Variants in ANKS1B observed in about 807,000 individuals in gnomAD.
ANKS1B encodes ankyrin repeat and sterile alpha motif domain containing 1B.
In ANKS1B, 36 loss-of-function variants were observed where a neutral mutation model predicts 148.3. The observed-to-expected ratio is 0.24, with a 90% confidence interval of 0.19 to 0.32. The LOEUF (loss-of-function observed/expected upper bound fraction) is 0.32, where lower values mean the gene tolerates loss of function less well. Ranked by LOEUF, ANKS1B falls within the 10% of genes least tolerant of loss-of-function variation. The pLI is 1.00. For synonymous variants in ANKS1B, 542 were observed against 560.8 expected (o/e 0.97, Z 0.47); for missense variants, 1,157 against 1,542.6 (o/e 0.75, Z 4.19).
intron 1 of ANKS1B, among the ~76,000 whole-genome samples, chr12:99,936,254 C>G (rs1473384511): frequency 6.6e-6 from 1 of 152,152 alleles, no homozygotes; most frequent in Non-Finnish European, 1.5e-5. Flanking sequence ...TAGCTGGTAA[C>G]AGAAGATGAG....
Position 99,632,440 on chromosome 12 carries a change from T to G in ANKS1B, c.1272+22627A>C, listed in dbSNP as rs189242828. ...CCTCACTGCATAGGGCAGTACCTAG[T>G]GGAGCCATAGGAGCAAAACCACCAC... On this transcript the variant is annotated intron_variant, in intron 9 of 26. Coordinates refer to ENST00000683438, the MANE Select transcript of ANKS1B (RefSeq NM_001352186.2). 5.1e-3 allele frequency among the ~76,000 whole-genome samples: 768 copies of G among 151,914 alleles called. 8 individuals are homozygous for G. Among genetic ancestry groups the G allele is most frequent in the African/African-American group, 0.017 (722 of 41,468 alleles).
intron 22 of ANKS1B, among the ~76,000 whole-genome samples, chr12:98,796,355 A>G (rs2098949494): frequency 6.6e-6 from 1 of 152,238 alleles, no homozygotes; most frequent in African/African-American, 2.4e-5. Context: ...TAATATTACC[A>G]TGAATCAACT....
At chr12:99,117,467 G>C (rs1238775896) in intron 15 of ANKS1B, among the ~76,000 whole-genome samples, 2 of 152,166 alleles carry the variant, frequency 1.3e-5, no homozygotes, top group Non-Finnish European at 2.9e-5. Flanking sequence ...TATGGTTTTT[G>C]TCATTGGTTC....
At chr12:99,172,071 C>G (rs116375387) in intron 14 of ANKS1B, among the ~76,000 whole-genome samples, 5 of 152,022 alleles carry the variant, frequency 3.3e-5, no homozygotes, top group Admixed American at 1.3e-4. Flanking sequence ...GCCTTGAAGA[C>G]GTAGTAGGAA....
At chr12:99,623,272 A>T (rs534159124) in intron 9 of ANKS1B, among the ~76,000 whole-genome samples, 1 of 152,130 alleles carries the variant, frequency 6.6e-6, no homozygotes, top group East Asian at 1.9e-4. Flanking sequence ...ATAATGAGTC[A>T]TCTATAACAA....
intron 9 of ANKS1B, among the ~76,000 whole-genome samples, chr12:99,564,426 CAT>C (rs1238816698): frequency 1.3e-5 from 2 of 151,652 alleles, no homozygotes; most frequent in African/African-American, 4.8e-5. Context: ...AAAATTATCC[CAT>C]TTTTTATAAA....
At chr12:99,030,378 G>T (rs2099951291) in intron 17 of ANKS1B, among the ~76,000 whole-genome samples, 2 of 152,108 alleles carry the variant, frequency 1.3e-5, no homozygotes, top group South Asian at 4.1e-4. Context: ...AGTTACACAT[G>T]GGAGTCAACA....
intron 8 of ANKS1B, among the ~76,000 whole-genome samples, chr12:99,712,431 C>T (rs1201991319): frequency 6.6e-6 from 1 of 152,042 alleles, no homozygotes; most frequent in Non-Finnish European, 1.5e-5. Flanking sequence ...TCTGGATAGA[C>T]CCAATGTAAT....
intron 11 of ANKS1B, among the ~76,000 whole-genome samples, chr12:99,415,873 C>T (rs1293649951): frequency 3.9e-5 from 6 of 152,028 alleles, no homozygotes; most frequent in East Asian, 1.9e-4. Context: ...TTAGTAGAGA[C>T]GGGGTTTCAC....
rs544379195 is a variant in ANKS1B at position 99,301,595 on chromosome 12, T to C, written c.1757-54731A>G. ...ACATTTATGTATTAAATGTACATAA[T>C]AGATTTACTCATTCACTGGTTCATT... On this transcript the variant is annotated intron_variant, in intron 12 of 26. Coordinates refer to ENST00000683438, the MANE Select transcript of ANKS1B (RefSeq NM_001352186.2). Among the ~76,000 whole-genome samples the C allele has an allele frequency of 3.9e-5, 6 of 152,240 alleles. No homozygotes were observed. The East Asian group carries it at 9.7e-4, about 25-fold the overall frequency.
Position 99,057,201 on chromosome 12 carries a change from G to A in ANKS1B, c.2626-3892C>T, listed in dbSNP as rs569791243. ...CTTTGGCAAGTTACTCTTTCAGCCT[G>A]TTTCCTCTTTTTTAGAATAAGCATA... On this transcript the variant is annotated intron_variant, in intron 16 of 26. Transcript: ENST00000683438. Among the ~76,000 whole-genome samples the A allele has an allele frequency of 4.6e-5, 7 of 152,262 alleles. No homozygotes were observed. In the South Asian group the frequency reaches 1.5e-3, roughly 32 times the overall value.
chr12:99,551,492 AGGATATGTTTACTATGAGTT>A (rs2097216941), intron 9 of ANKS1B, among the ~76,000 whole-genome samples: 1 of 129,108 alleles, frequency 7.7e-6, no homozygotes, highest in South Asian at 2.8e-4. Flanking sequence ...TCAGATTCTT[AGGATATGTTTACTATGAGTT>A]GGAAGGAAAG....
intron 1 of ANKS1B, among the ~76,000 whole-genome samples, chr12:99,893,855 A>T (rs2093251451): frequency 6.6e-6 from 1 of 152,082 alleles, no homozygotes; most frequent in Non-Finnish European, 1.5e-5. Context: ...TTCCATGGTG[A>T]ATATATACCA....
chr12:99,707,031 G>A (rs1415175550), intron 8 of ANKS1B, among the ~76,000 whole-genome samples: 4 of 152,090 alleles, frequency 2.6e-5, no homozygotes, highest in Non-Finnish European at 5.9e-5. Flanking sequence ...CCTGACACAC[G>A]AAACTGTGAG....
chr12:98,776,045 A>G (rs2098670465), intron 24 of ANKS1B, among the ~76,000 whole-genome samples: 2 of 152,196 alleles, frequency 1.3e-5, no homozygotes, highest in Non-Finnish European at 2.9e-5. Context: ...GACCTTTGTG[A>G]TATATTGCCA....
chr12:99,166,021 A>T (rs2077156665), intron 14 of ANKS1B, among the ~76,000 whole-genome samples: 1 of 151,812 alleles, frequency 6.6e-6, no homozygotes, highest in South Asian at 2.1e-4. Context: ...AATAAAGAAA[A>T]ACCATATAAT....
intron 14 of ANKS1B, among the ~76,000 whole-genome samples, chr12:99,166,148 C>T (rs904449899): frequency 6.6e-5 from 10 of 151,186 alleles, no homozygotes; most frequent in Non-Finnish European, 1.5e-4. Flanking sequence ...TATACACAAC[C>T]TACAGTTAGT....
In ANKS1B at chr12:98,829,700, C is replaced by A. The variant is rs1010043639; in HGVS notation, c.2887-347G>T. Among the ~76,000 whole-genome samples the A allele has an allele frequency of 6.6e-6, 1 of 152,146 alleles. No individual in the cohort carries two copies. The highest frequency in any genetic ancestry group is 1.5e-5 in the Non-Finnish European group (1 of 68,032). ...CTGGGCCCTCATGTGGGCAGAGCGT[C>A]CTCACCATGGTAGATGCCATGATGA... is the stretch of plus-strand genomic sequence containing the variant. On this transcript the variant is annotated intron_variant, in intron 18 of 26. Coordinates refer to ENST00000683438, the MANE Select transcript of ANKS1B (RefSeq NM_001352186.2). The surrounding 1 kb of genome is among the most constrained non-coding windows in gnomAD (Gnocchi z 5.2).
At chr12:99,740,153 A>G (rs2059956004) in intron 8 of ANKS1B, among the ~76,000 whole-genome samples, 1 of 152,066 alleles carries the variant, frequency 6.6e-6, no homozygotes, top group Non-Finnish European at 1.5e-5. Flanking sequence ...CTACGAAAAA[A>G]GAAATTAATT....
Sources: allele counts gnomAD v4.1 joint callset (sites outside exome capture counted in the v4.1 genomes callset), GRCh38; gene constraint gnomAD v4.1.1; non-coding constraint Gnocchi (gnomAD v3.1); transcripts MANE v1.5; gene names NCBI Gene and HGNC (gene_info 2026-07-23, HGNC 2026-07-21).